SYNCRIP: variants seen among roughly 807,000 people sequenced by gnomAD.
SYNCRIP encodes the protein synaptotagmin binding cytoplasmic RNA interacting protein, also known as heterogeneous nuclear ribonucleoprotein Q.
In SYNCRIP, 9 loss-of-function variants were observed where a neutral mutation model predicts 68.9. That is an observed-to-expected ratio of 0.13 (90% CI 0.08 to 0.23). The LOEUF (loss-of-function observed/expected upper bound fraction) is 0.23. Among genes scored for constraint, SYNCRIP ranks in the 10% least tolerant of loss-of-function variants. The pLI, the probability that SYNCRIP is intolerant of heterozygous loss-of-function variation, is 1.00. For missense variants in SYNCRIP, 414 were observed against 770.6 expected (o/e 0.54, Z 5.48); for synonymous variants, 258 against 254.0 (o/e 1.02, Z -0.15).
intron 7 of SYNCRIP, among the ~76,000 whole-genome samples, chr6:85,623,579 A>AAAAAACCAAAAAAAAAAAAC (rs1554184894): frequency 8.0e-6 from 1 of 125,758 alleles, no homozygotes; most frequent in East Asian, 2.8e-4. Context: ...AAAAAAAAAA[A>AAAAAACCAAAAAAAAAAAAC]AAAACACTCT....
In SYNCRIP at chr6:85,631,582, T is replaced by TA. The variant is rs1807799000; in HGVS notation, c.666+5384dup. ...GAATGGTACAAATGGTACCTTAGAC[T>TA]AACTAGGGTAGTAGCAGCGAAGAAG... On this transcript the variant is annotated intron_variant, in intron 6 of 10. Coordinates refer to ENST00000369622, the MANE Select transcript of SYNCRIP (RefSeq NM_006372.5). 2.0e-5 allele frequency among the ~76,000 whole-genome samples: 3 copies of TA among 152,210 alleles called. No homozygotes were observed. In the South Asian group the frequency reaches 6.2e-4, roughly 32 times the overall value.
rs1806096559 is a variant in SYNCRIP, at chr6:85,619,072, A to AT, written c.1159-134dup. 5.9e-6 allele frequency: 7 copies of AT among 1,177,364 alleles called. No individual in the cohort carries two copies. The East Asian group carries it at 1.7e-4, about 29-fold the overall frequency. The allele number at this position is 1,177,364 out of a possible 1,614,324, so 72.9% of individuals were successfully genotyped here. The stretch of plus-strand genomic sequence containing the variant: ...CCCATGCAGGCAGTCAAATAATTTT[A>AT]TTTAAAGATGCAGATATTCAATTAT... On this transcript the variant is annotated intron_variant, in intron 9 of 10. Coordinates refer to ENST00000369622, the MANE Select transcript of SYNCRIP (RefSeq NM_006372.5).
chr6:85,615,209 A>C lies in SYNCRIP; in HGVS notation c.1419T>G (p.Asp473Glu), dbSNP rs755325985. Residue 473 changes from aspartate (D) to glutamate (E), a missense_variant, in exon 11 of 11, where the codon GAT (aspartate) becomes GAG (glutamate). Around this residue, in one of 6 missense-constraint regions of SYNCRIP, gnomAD observed 72 missense variants for 119.8 expected, o/e 0.60. Coordinates refer to ENST00000369622, the MANE Select transcript of SYNCRIP (RefSeq NM_006372.5). ...CATATCCACCACGATAGTTATGGTA[A>C]TCATAACCATAATAATCATAATAAT... Reference protein sequence around the residue: ...YEDYYDYYGYDYHNYRGGYED... With the variant: ...YEDYYDYYGYEYHNYRGGYED... 3.7e-6 allele frequency: 6 copies of C among 1,610,166 alleles called. No individual in the cohort carries two copies. In the African/African-American group the frequency reaches 6.7e-5, roughly 18 times the overall value.
chr6:85,632,226 A>G (rs1320682548), intron 6 of SYNCRIP, among the ~76,000 whole-genome samples: 2 of 152,228 alleles, frequency 1.3e-5, no homozygotes, highest in Admixed American at 6.5e-5. Context: ...CAAATACCTA[A>G]AACTATTTCA....
At chr6:85,624,547 G>A (rs1806818521) in intron 6 of SYNCRIP, among the ~76,000 whole-genome samples, 1 of 151,936 alleles carries the variant, frequency 6.6e-6, no homozygotes, top group African/African-American at 2.4e-5. Flanking sequence ...GAAATTTCAG[G>A]CTTCAAATAT....
chr6:85,610,579 T>C (rs1203959453), downstream of SYNCRIP: 2 of 152,022 alleles, frequency 1.3e-5, no homozygotes, highest in African/African-American at 4.8e-5. Flanking sequence ...ATGCAGTTCT[T>C]ACTTTAAGTA....
intron 6 of SYNCRIP, among the ~76,000 whole-genome samples, chr6:85,635,683 T>A (rs1004821467): frequency 6.8e-6 from 1 of 146,064 alleles, no homozygotes; most frequent in Non-Finnish European, 1.5e-5. Context: ...GGCAGGAGAA[T>A]CGCTTGAACC....
At position 85,633,586 on chromosome 6, in the gene SYNCRIP, G is replaced by A. The variant is rs898267146; in HGVS notation, c.666+3381C>T. Among the ~76,000 whole-genome samples the A allele has an allele frequency of 4.6e-5, 7 of 152,020 alleles. No individual in the cohort carries two copies. In the East Asian group the frequency reaches 1.3e-3, roughly 29 times the overall value. On this transcript the variant is annotated intron_variant, in intron 6 of 10. Transcript: ENST00000369622. ...AGCCTGGGCAACAGAGGGAGACTCC[G>A]TTTCAAAAAAACTTACTAAAAAGTC...
At chr6:85,624,910 C>T (rs1018255811) in intron 6 of SYNCRIP, among the ~76,000 whole-genome samples, 2 of 152,286 alleles carry the variant, frequency 1.3e-5, no homozygotes, top group South Asian at 2.1e-4. Context: ...GCGGCAGCAG[C>T]GGCAATAATT....
At chr6:85,636,270 C>T (rs1808439655) in intron 6 of SYNCRIP, among the ~76,000 whole-genome samples, 1 of 152,000 alleles carries the variant, frequency 6.6e-6, no homozygotes, top group Non-Finnish European at 1.5e-5. Context: ...CATGGCGAAA[C>T]CCCATCTCTA....
chr6:85,637,929 G>T (rs1029627490), intron 4 of SYNCRIP, among the ~76,000 whole-genome samples: 1 of 152,136 alleles, frequency 6.6e-6, no homozygotes, highest in Non-Finnish European at 1.5e-5. Context: ...TCAGAAAAAA[G>T]TAACAGCCAA....
intron 9 of SYNCRIP, 142 bp from the exon 10 acceptor site, chr6:85,619,081 T>G: frequency 8.6e-7 from 1 of 1,165,846 alleles, no homozygotes; most frequent in Non-Finnish European, 1.2e-6. Flanking sequence ...TATTTAAAGA[T>G]GCAGATATTC....
At chr6:85,613,021 G>GT, downstream of SYNCRIP, 1 of 1,409,574 alleles carries the variant, frequency 7.1e-7, no homozygotes, top group East Asian at 2.7e-5. Context: ...CCTTAACATG[G>GT]TAATTCTAAA....
chr6:85,632,829 G>A (rs918657754), intron 6 of SYNCRIP, among the ~76,000 whole-genome samples: 2 of 152,200 alleles, frequency 1.3e-5, no homozygotes, highest in African/African-American at 4.8e-5. Context: ...CCTAGCTGCT[G>A]AGGAAGCTGA....
chr6:85,608,257 T>A (rs376531550), downstream of SYNCRIP: 1 of 152,214 alleles, frequency 6.6e-6, no homozygotes, highest in South Asian at 2.1e-4. Flanking sequence ...AAGTGTCTAC[T>A]TAAAAGCTGT....
In SYNCRIP at chr6:85,631,339, C is replaced by CAAAAAAAAA. The variant is rs71003000; in HGVS notation, c.666+5619_666+5627dup. Among the ~76,000 whole-genome samples the CAAAAAAAAA allele has an allele frequency of 1.1e-3, 104 of 91,760 alleles. 3 individuals carry two copies. The highest frequency in any genetic ancestry group is 4.9e-3 in the African/African-American group (98 of 20,080). The allele number at this position is 91,760 out of a possible 152,430, so 60.2% of individuals were successfully genotyped here. Reference sequence around the variant, plus strand: ...GGGTGACAAAGCATGACTGTGTCTCCAAAAAAAAAAAAAAAAGGCCATGGC... The same window carrying CAAAAAAAAA: ...GGGTGACAAAGCATGACTGTGTCTCCAAAAAAAAAAAAAAAAAAAAAAAAAGGCCATGGC... On this transcript the variant is annotated intron_variant, in intron 6 of 10. Coordinates refer to ENST00000369622, the MANE Select transcript of SYNCRIP (RefSeq NM_006372.5).
intron 8 of SYNCRIP, among the ~76,000 whole-genome samples, chr6:85,621,909 A>G (rs1806455615): frequency 6.7e-6 from 1 of 148,768 alleles, no homozygotes; most frequent in South Asian, 2.1e-4. Flanking sequence ...AACTGTCTAC[A>G]GCATGTAGGC....
intron 10 of SYNCRIP, among the ~76,000 whole-genome samples, chr6:85,618,193 G>C (rs1204602063): frequency 6.6e-6 from 1 of 152,002 alleles, no homozygotes; most frequent in Non-Finnish European, 1.5e-5. Flanking sequence ...AAGATATTTG[G>C]ACAGCTAATA....
intron 4 of SYNCRIP, among the ~76,000 whole-genome samples, chr6:85,638,371 A>AC (rs1808714647): frequency 9.2e-6 from 1 of 109,102 alleles, no homozygotes; most frequent in Admixed American, 1.1e-4. Context: ...ACAGAGCAAG[A>AC]CCCCATCTCA....
Sources: allele counts gnomAD v4.1 joint callset (sites outside exome capture counted in the v4.1 genomes callset), GRCh38; gene constraint gnomAD v4.1.1; regional missense constraint gnomAD v4.1.1; transcripts MANE v1.5; gene names NCBI Gene and HGNC (gene_info 2026-07-23, HGNC 2026-07-21).